IL19: variants seen among roughly 807,000 people sequenced by gnomAD.
IL19 encodes the protein interleukin-19.
In IL19, 15 loss-of-function variants were observed where a neutral mutation model predicts 19.5. The ratio of observed to expected loss-of-function variants is 0.77; its 90% CI spans 0.52 to 1.19. The LOEUF (loss-of-function observed/expected upper bound fraction) is 1.19. Ranked by LOEUF, IL19 falls within the 50% of genes most tolerant of loss-of-function variation. The pLI is 0.00. For missense variants in IL19, 199 were observed against 213.1 expected, an observed-to-expected ratio of 0.93 and a Z score of 0.41; for synonymous variants, 78 against 78.3, an observed-to-expected ratio of 1.00 and a Z score of 0.02.
intron 2 of IL19, among the ~76,000 whole-genome samples, chr1:206,829,434 G>A (rs1247113317): frequency 1.3e-5 from 2 of 152,158 alleles, no homozygotes; most frequent in African/African-American, 4.8e-5. Context: ...TCACACTGGA[G>A]CTAGGTTTTG....
At chr1:206,802,581 A>T (rs1675739529) in intron 2 of IL19, among the ~76,000 whole-genome samples, 1 of 152,168 alleles carries the variant, frequency 6.6e-6, no homozygotes, top group Non-Finnish European at 1.5e-5. Context: ...CACAACCCAG[A>T]CTAATTGGGA....
intron 2 of IL19, among the ~76,000 whole-genome samples, chr1:206,802,455 C>T (rs752439771): frequency 1.8e-4 from 27 of 152,002 alleles, no homozygotes; most frequent in Middle Eastern, 6.8e-3. Flanking sequence ...CTTTATCAAG[C>T]GATTACCCCT....
intron 2 of IL19, 77 bp downstream of exon 2, chr1:206,799,083 C>T: frequency 2.0e-6 from 2 of 984,852 alleles, no homozygotes; most frequent in Non-Finnish European, 3.2e-6. Context: ...TATTTCAAGA[C>T]TCTGGAAGAC....
At chr1:206,786,253 C>T (rs1675267677) in intron 1 of IL19, among the ~76,000 whole-genome samples, 1 of 152,200 alleles carries the variant, frequency 6.6e-6, no homozygotes, top group African/African-American at 2.4e-5. Context: ...TGACTTTTAC[C>T]TGACAAGCCA....
chr1:206,812,218 C>T (rs11119621), intron 2 of IL19, among the ~76,000 whole-genome samples: 6 of 151,982 alleles, frequency 3.9e-5, no homozygotes, highest in Admixed American at 6.6e-5. Context: ...CACAGGTCTG[C>T]GAATCAGGGG....
intron 2 of IL19, among the ~76,000 whole-genome samples, chr1:206,813,572 G>C (rs1676071922): frequency 6.6e-6 from 1 of 152,114 alleles, no homozygotes; most frequent in Non-Finnish European, 1.5e-5. Flanking sequence ...ACAGATCTGA[G>C]TTTCAGTTCC....
At chr1:206,813,701 T>C (rs1197277943) in intron 2 of IL19, among the ~76,000 whole-genome samples, 1 of 152,224 alleles carries the variant, frequency 6.6e-6, no homozygotes, top group Non-Finnish European at 1.5e-5. Context: ...TTTTTTTAGT[T>C]ACTGTGGTTG....
At chr1:206,831,053 G>T (rs1428102043) in intron 2 of IL19, among the ~76,000 whole-genome samples, 1 of 152,174 alleles carries the variant, frequency 6.6e-6, no homozygotes, top group Admixed American at 6.5e-5. Context: ...CATTCCCACA[G>T]AAGGCAATAG....
At chr1:206,801,975 C>G (rs1675720000) in intron 2 of IL19, among the ~76,000 whole-genome samples, 1 of 152,156 alleles carries the variant, frequency 6.6e-6, no homozygotes, top group Non-Finnish European at 1.5e-5. Context: ...GTGGAAGAAA[C>G]AGTTTGAACG....
At chr1:206,773,586 TTGTGTGTG>T (rs2234662) in intron 1 of IL19, among the ~76,000 whole-genome samples, 130 of 131,852 alleles carry the variant, frequency 9.9e-4, no homozygotes, top group South Asian at 2.9e-3. Flanking sequence ...TGTCTTGGAT[TTGTGTGTG>T]TGTGTGTGTG....
In IL19 at chr1:206,839,867, C is replaced by T. The variant is rs770702286; in HGVS notation, c.228C>T (p.Cys76=). The part of the protein sequence containing the change: ...LQIIKPLDVC[C]VTKNLLAFYV... ...GTTTGTAGCCCTTAGATGTGTGCTG[C>T]GTGACCAAGAACCTCCTGGCGTTCT... The change falls in exon 5 of 7, where the codon TGC becomes TGT. Residue 76 remains cysteine (C), a synonymous_variant. Transcript: ENST00000659997. The T allele has an allele frequency of 2.7e-5, 44 of 1,613,562 alleles. 1 individual carries two copies. In the Middle Eastern group the frequency reaches 5.0e-4, roughly 18 times the overall value.
intron 2 of IL19, among the ~76,000 whole-genome samples, chr1:206,823,557 A>T (rs375767056): frequency 2.0e-5 from 3 of 152,028 alleles, no homozygotes; most frequent in African/African-American, 7.2e-5. Flanking sequence ...GTCTAAAAAA[A>T]AAAAAAGACA....
chr1:206,807,657 G>T (rs1675882728), intron 2 of IL19, among the ~76,000 whole-genome samples: 1 of 152,110 alleles, frequency 6.6e-6, no homozygotes, highest in South Asian at 2.1e-4. Context: ...ACAAATTGTA[G>T]CTATATATTT....
Position 206,803,421 on chromosome 1 carries a change from C to T in IL19, c.-3+4415C>T, listed in dbSNP as rs1675766470. ...AGGTAGGTCGGATGTGAGAGTCTCC[C>T]TCCATGAACATGTGTGCGTCATCTG... is the stretch of plus-strand genomic sequence containing the variant. On this transcript the variant is annotated intron_variant, in intron 2 of 6. Coordinates refer to ENST00000659997, the MANE Select transcript of IL19 (RefSeq NM_153758.5). Among the ~76,000 whole-genome samples the T allele has an allele frequency of 2.0e-5, 3 of 152,146 alleles. 1 individual carries two copies. The highest frequency in any genetic ancestry group is 4.1e-4 in the South Asian group (2 of 4,826).
At chr1:206,811,709 A>G (rs996713661) in intron 2 of IL19, among the ~76,000 whole-genome samples, 1 of 152,142 alleles carries the variant, frequency 6.6e-6, no homozygotes, top group African/African-American at 2.4e-5. Flanking sequence ...TTTTTTGAAT[A>G]CCAACACTGC....
At chr1:206,800,860 G>T (rs1675664842) in intron 2 of IL19, among the ~76,000 whole-genome samples, 1 of 152,206 alleles carries the variant, frequency 6.6e-6, no homozygotes, top group East Asian at 1.9e-4. Flanking sequence ...TTGCCTTGGG[G>T]TCTGGAAGGC....
chr1:206,793,871 T>C (rs1321187657), intron 1 of IL19, among the ~76,000 whole-genome samples: 1 of 151,844 alleles, frequency 6.6e-6, no homozygotes, highest in Non-Finnish European at 1.5e-5. Flanking sequence ...TAGGGAGGAG[T>C]GTGCCTGTTG....
At chr1:206,807,667 T>C (rs1297678757) in intron 2 of IL19, among the ~76,000 whole-genome samples, 2 of 152,204 alleles carry the variant, frequency 1.3e-5, no homozygotes, top group Non-Finnish European at 2.9e-5. Flanking sequence ...GCTATATATT[T>C]ATGTGTTTAG....
At chr1:206,827,302 T>C (rs1286043947) in intron 2 of IL19, among the ~76,000 whole-genome samples, 2 of 152,234 alleles carry the variant, frequency 1.3e-5, no homozygotes, top group Non-Finnish European at 2.9e-5. Context: ...TTAGCTTTTA[T>C]GAATTTGTAA....
Sources: gnomAD v4.1 joint callset for allele counts (sites outside exome capture counted in the v4.1 genomes callset) on GRCh38, gnomAD v4.1.1 for gene constraint, MANE v1.5 for transcripts, NCBI Gene and HGNC (gene_info 2026-07-23, HGNC 2026-07-21) for gene names.